ZSCAN5A: variants seen among roughly 807,000 people sequenced by gnomAD.
ZSCAN5A encodes zinc finger and SCAN domain containing 5A, also known as zinc finger and SCAN domain-containing protein 5A.
ZSCAN5A carries 12 observed loss-of-function variants against 23.7 expected under a neutral mutation model. The ratio of observed to expected loss-of-function variants is 0.51; its 90% CI spans 0.32 to 0.82. ZSCAN5A has a LOEUF of 0.82. Ranked by LOEUF, ZSCAN5A falls within the 40% of genes least tolerant of loss-of-function variation. ZSCAN5A has a pLI of 0.03. For synonymous variants in ZSCAN5A, 257 were observed against 239.9 expected (o/e 1.07, Z -0.66); for missense variants, 597 against 617.9 (o/e 0.97, Z 0.36).
intron 2 of ZSCAN5A, among the ~76,000 whole-genome samples, chr19:56,299,060 T>C (rs1481241637): frequency 1.3e-5 from 2 of 152,206 alleles, no homozygotes; most frequent in African/African-American, 2.4e-5. Flanking sequence ...TCCCACCTTA[T>C]TAACATAAAA....
At chr19:56,299,041 A>G (rs2040061022) in intron 2 of ZSCAN5A, among the ~76,000 whole-genome samples, 1 of 152,242 alleles carries the variant, frequency 6.6e-6, no homozygotes, top group Admixed American at 6.5e-5. Flanking sequence ...AAAAACAAAT[A>G]TATGGTATTC....
chr19:56,267,306 C>A (rs961951381), intron 2 of ZSCAN5A, among the ~76,000 whole-genome samples: 1 of 152,060 alleles, frequency 6.6e-6, no homozygotes, highest in Non-Finnish European at 1.5e-5. Context: ...TCCCCAACAC[C>A]GAGACTGCTT....
intron 2 of ZSCAN5A, among the ~76,000 whole-genome samples, chr19:56,324,760 T>C (rs565920244): frequency 3.9e-5 from 6 of 152,284 alleles, no homozygotes; most frequent in African/African-American, 1.2e-4. Context: ...TTGAATTCAA[T>C]TGAACATGGC....
At position 56,222,593 on chromosome 19, in the gene ZSCAN5A, G is replaced by A; in HGVS notation, c.737C>T (p.Pro246Leu). Residue 246 changes from proline (P) to leucine (L), a missense_variant and splice_region_variant, in exon 5 of 6, where the codon CCC becomes CTC. Pro to Leu is a moderately conservative substitution (Grantham distance 98, BLOSUM62 -3). Transcript: ENST00000683990. ...TGGATCCAAGTCTTCATACTCACTG[G>A]GACTCTTTGGAAGCTGAGGCTCTGG... is the stretch of plus-strand genomic sequence containing the variant. ...TSPEPQLPKS[P>L]TDLVRAKEGK... 3 of 1,614,056 alleles carry A rather than the reference G, an allele frequency of 1.9e-6. No individual in the cohort carries two copies. Among genetic ancestry groups the A allele is most frequent in the Non-Finnish European group, 2.5e-6 (3 of 1,179,992 alleles).
chr19:56,279,382 T>C (rs534232210), intron 2 of ZSCAN5A, among the ~76,000 whole-genome samples: 2 of 152,330 alleles, frequency 1.3e-5, no homozygotes, highest in East Asian at 1.9e-4. Flanking sequence ...GCAAAATTCC[T>C]AGCGCTCAGT....
chr19:56,356,453 T>G (rs2041701163), intron 2 of ZSCAN5A, among the ~76,000 whole-genome samples: 1 of 148,192 alleles, frequency 6.7e-6, no homozygotes, highest in African/African-American at 2.6e-5. Context: ...AAGCAAGAAT[T>G]CACAGAGCTC....
intron 2 of ZSCAN5A, among the ~76,000 whole-genome samples, chr19:56,230,348 T>C (rs2034349012): frequency 6.6e-6 from 1 of 152,140 alleles, no homozygotes; most frequent in Non-Finnish European, 1.5e-5. Flanking sequence ...CCTCCCAAAG[T>C]GCCGGGATTA....
chr19:56,230,065 C>T (rs1477971061), intron 2 of ZSCAN5A, among the ~76,000 whole-genome samples: 2 of 152,000 alleles, frequency 1.3e-5, no homozygotes, highest in African/African-American at 4.8e-5. Flanking sequence ...ATTTGGATGC[C>T]CTTTATTCCT....
chr19:56,287,988 G>C (rs1271834727), intron 2 of ZSCAN5A, among the ~76,000 whole-genome samples: 1 of 152,190 alleles, frequency 6.6e-6, no homozygotes, highest in Non-Finnish European at 1.5e-5. Context: ...CAGACCAGGA[G>C]CGTGGGTCTC....
At chr19:56,300,917 C>A (rs184937584) in intron 2 of ZSCAN5A, among the ~76,000 whole-genome samples, 1 of 152,044 alleles carries the variant, frequency 6.6e-6, no homozygotes, top group Non-Finnish European at 1.5e-5. Flanking sequence ...CATAAGAAAG[C>A]GACACGGTCG....
intron 2 of ZSCAN5A, among the ~76,000 whole-genome samples, chr19:56,262,341 A>G (rs1045311230): frequency 2.0e-5 from 3 of 150,768 alleles, no homozygotes; most frequent in African/African-American, 7.3e-5. Flanking sequence ...TTCTATCACC[A>G]TAAATTAATT....
At chr19:56,307,269 C>T (rs1040191437) in intron 2 of ZSCAN5A, among the ~76,000 whole-genome samples, 7 of 152,184 alleles carry the variant, frequency 4.6e-5, no homozygotes, top group Admixed American at 4.6e-4. Flanking sequence ...GCCCTTTTTA[C>T]ATTAAAAAAT....
At chr19:56,248,229 C>A (rs996651669) in intron 2 of ZSCAN5A, among the ~76,000 whole-genome samples, 5 of 151,914 alleles carry the variant, frequency 3.3e-5, no homozygotes, top group African/African-American at 7.3e-5. Flanking sequence ...TATTGGGTAT[C>A]CTGTATTGTT....
chr19:56,242,787 T>TC (rs2035531020), intron 2 of ZSCAN5A, among the ~76,000 whole-genome samples: 1 of 99,132 alleles, frequency 1.0e-5, no homozygotes, highest in Non-Finnish European at 2.5e-5. Context: ...CTTTCTCTCT[T>TC]TTTTTTTTGA....
chr19:56,364,092 G>A (rs1198215836), intron 1 of ZSCAN5A, among the ~76,000 whole-genome samples: 2 of 152,200 alleles, frequency 1.3e-5, no homozygotes, highest in Non-Finnish European at 2.9e-5. Flanking sequence ...TCCCATCACA[G>A]GCAATCCATC....
chr19:56,308,361 T>C (rs1450525872), intron 2 of ZSCAN5A, among the ~76,000 whole-genome samples: 2 of 145,338 alleles, frequency 1.4e-5, no homozygotes, highest in Non-Finnish European at 3.0e-5. Context: ...GCTCACTCTG[T>C]CACCCAGGCT....
chr19:56,229,837 G>A (rs1258119581), intron 2 of ZSCAN5A, among the ~76,000 whole-genome samples: 6 of 151,770 alleles, frequency 4.0e-5, no homozygotes, highest in Admixed American at 2.6e-4. Flanking sequence ...GGTTTTTAGG[G>A]GTTCTTTTGC....
chr19:56,303,386 G>A (rs1040746404), intron 2 of ZSCAN5A, among the ~76,000 whole-genome samples: 4 of 151,968 alleles, frequency 2.6e-5, no homozygotes, highest in African/African-American at 4.8e-5. Flanking sequence ...GCTGAGGCAG[G>A]AGAATCACTT....
chr19:56,265,054 G>T (rs541927438), intron 2 of ZSCAN5A, among the ~76,000 whole-genome samples: 1 of 152,104 alleles, frequency 6.6e-6, no homozygotes. Flanking sequence ...CCTGGGAGGC[G>T]GAGGTTGCAG....
Sources: gnomAD v4.1 joint callset for allele counts (sites outside exome capture counted in the v4.1 genomes callset) on GRCh38, gnomAD v4.1.1 for gene constraint, MANE v1.5 for transcripts, NCBI Gene and HGNC (gene_info 2026-07-23, HGNC 2026-07-21) for gene names.